ANKRD11: variants seen among roughly 807,000 people sequenced by gnomAD.
ANKRD11 encodes ankyrin repeat domain-containing protein 11.
ANKRD11 carries 17 observed loss-of-function variants against 195.7 expected under a neutral mutation model. That is an observed-to-expected ratio of 0.09 (90% confidence interval 0.06 to 0.13). The LOEUF is 0.13. Ranked by LOEUF, ANKRD11 falls within the 10% of genes least tolerant of loss-of-function variation. The pLI is 1.00. For missense variants in ANKRD11, 3,735 were observed against 3,566.1 expected (o/e 1.05, Z -1.21); for synonymous variants, 1,953 against 1,528.1 (o/e 1.28, Z -6.49).
intron 2 of ANKRD11, among the ~76,000 whole-genome samples, chr16:89,414,899 A>G (rs1222825000): frequency 6.6e-6 from 1 of 152,230 alleles, no homozygotes; most frequent in Non-Finnish European, 1.5e-5. Context: ...GAAACACGGG[A>G]ATGACACAAA....
chr16:89,329,920 G>T (rs1347637362), intron 2 of ANKRD11, among the ~76,000 whole-genome samples: 7 of 151,958 alleles, frequency 4.6e-5, no homozygotes, highest in Non-Finnish European at 1.0e-4. Context: ...GCACTGGGAG[G>T]CAGAGGCTGC....
chr16:89,424,778 AG>A (rs2152251631), intron 1 of ANKRD11, among the ~76,000 whole-genome samples: 1 of 152,266 alleles, frequency 6.6e-6, no homozygotes, highest in Admixed American at 6.5e-5. Context: ...AAAAGGGCAA[AG>A]GGCCGATCCT....
intron 1 of ANKRD11, among the ~76,000 whole-genome samples, chr16:89,484,136 A>G (rs187615803): frequency 2.0e-5 from 3 of 152,358 alleles, no homozygotes; most frequent in East Asian, 1.9e-4. Context: ...TGCTCTGCAC[A>G]TCCTTTAATC....
In ANKRD11 at chr16:89,280,468, T is replaced by C. The variant is rs2034111501; in HGVS notation, c.6074A>G (p.Tyr2025Cys). ...CCCCGGCTCAGCGACGGGCAGAGCG[T>C]ACGGGGCAGGAGAGGCGGGAGGGGC... The part of the protein sequence containing the change: ...YPAPPASPAP[Y>C]ALPVAEPGLE... Residue 2025 changes from tyrosine to cysteine, a missense_variant, in exon 9 of 13, where the codon TAC becomes TGC. By Grantham distance (194) the Tyr-to-Cys change is radical. Coordinates refer to ENST00000301030, the MANE Select transcript of ANKRD11 (RefSeq NM_013275.6). 6.2e-7 allele frequency: 1 copy of C among 1,602,298 alleles called. No homozygotes were observed. The highest frequency in any genetic ancestry group is 8.5e-7 in the Non-Finnish European group (1 of 1,174,190).
At chr16:89,374,608 A>G (rs146304270) in intron 2 of ANKRD11, among the ~76,000 whole-genome samples, 3 of 152,356 alleles carry the variant, frequency 2.0e-5, no homozygotes, top group African/African-American at 7.2e-5. Context: ...CAACCTCAGG[A>G]GAGCTGTGGG....
At chr16:89,305,977 G>A (rs1597556708) in intron 3 of ANKRD11, among the ~76,000 whole-genome samples, 1 of 924 alleles carries the variant, frequency 1.1e-3, no homozygotes, top group African/African-American at 7.1e-3. Context: ...CTCCCACTCC[G>A]CAGACACGCG....
At chr16:89,469,472 C>A (rs2056995870) in intron 1 of ANKRD11, among the ~76,000 whole-genome samples, 1 of 152,120 alleles carries the variant, frequency 6.6e-6, no homozygotes, top group Non-Finnish European at 1.5e-5. Context: ...ATCCACCCAC[C>A]TTGGCCTCCC....
At chr16:89,373,827 G>A (rs1010164349) in intron 2 of ANKRD11, among the ~76,000 whole-genome samples, 1 of 152,174 alleles carries the variant, frequency 6.6e-6, no homozygotes, top group African/African-American at 2.4e-5. Flanking sequence ...TTACAAGATT[G>A]GTAGAACCTT....
At chr16:89,424,433 C>T (rs1437117613) in intron 1 of ANKRD11, among the ~76,000 whole-genome samples, 3 of 123,952 alleles carry the variant, frequency 2.4e-5, no homozygotes, top group African/African-American at 9.4e-5. Flanking sequence ...AAGAGCAAAA[C>T]TCTGTCTCAA....
intron 2 of ANKRD11, among the ~76,000 whole-genome samples, chr16:89,375,948 G>T (rs893427124): frequency 6.6e-6 from 1 of 152,120 alleles, no homozygotes; most frequent in Non-Finnish European, 1.5e-5. Flanking sequence ...CTAAACTTGC[G>T]TGACACGCCG....
chr16:89,369,617 G>A (rs745585606), intron 2 of ANKRD11, among the ~76,000 whole-genome samples: 1 of 152,220 alleles, frequency 6.6e-6, no homozygotes, highest in Non-Finnish European at 1.5e-5. Flanking sequence ...GAAAGGGAGG[G>A]GGTGCGGTCA....
At chr16:89,345,036 C>T (rs2038872436) in intron 2 of ANKRD11, among the ~76,000 whole-genome samples, 2 of 152,170 alleles carry the variant, frequency 1.3e-5, no homozygotes, top group South Asian at 2.1e-4. Flanking sequence ...CAAGGCCAAG[C>T]GGTGCTCCAG....
intron 5 of ANKRD11, 27 bp from the exon 6 acceptor site, chr16:89,290,855 G>A (rs767195205): frequency 6.2e-7 from 1 of 1,612,328 alleles, no homozygotes; most frequent in Non-Finnish European, 8.5e-7. Flanking sequence ...GGACAGATGG[G>A]CATTACTGTG....
At chr16:89,479,656 T>G (rs1346599780) in intron 1 of ANKRD11, among the ~76,000 whole-genome samples, 1 of 123,794 alleles carries the variant, frequency 8.1e-6, no homozygotes, top group African/African-American at 3.1e-5. Context: ...AAATTAAATT[T>G]TAAAAAGGCC....
intron 1 of ANKRD11, among the ~76,000 whole-genome samples, chr16:89,431,522 C>CA (rs565920138): frequency 8.5e-4 from 130 of 152,302 alleles, no homozygotes; most frequent in Non-Finnish European, 1.4e-3. Flanking sequence ...ACTCATCTAG[C>CA]ATGGTCTCGC....
At chr16:89,330,545 T>C (rs1308782095) in intron 2 of ANKRD11, among the ~76,000 whole-genome samples, 1 of 150,390 alleles carries the variant, frequency 6.6e-6, no homozygotes, top group Non-Finnish European at 1.5e-5. Flanking sequence ...AGTGCAGTCA[T>C]TGATGGGGTG....
chr16:89,440,426 C>A (rs1305503028), intron 1 of ANKRD11, among the ~76,000 whole-genome samples: 1 of 152,032 alleles, frequency 6.6e-6, no homozygotes, highest in Non-Finnish European at 1.5e-5. Context: ...GAGCAACACA[C>A]TGAAACCTCA....
intron 1 of ANKRD11, among the ~76,000 whole-genome samples, chr16:89,474,888 T>G (rs1219130740): frequency 6.6e-6 from 1 of 152,250 alleles, no homozygotes; most frequent in Admixed American, 6.5e-5. Context: ...GTAAGTTAAA[T>G]CTTCAAACGC....
At chr16:89,435,257 A>C (rs1056923830) in intron 1 of ANKRD11, among the ~76,000 whole-genome samples, 3 of 152,194 alleles carry the variant, frequency 2.0e-5, no homozygotes, top group Non-Finnish European at 2.9e-5. Context: ...AAAATGGACC[A>C]ATCAGCACTC....
Sources: allele counts gnomAD v4.1 joint callset (sites outside exome capture counted in the v4.1 genomes callset), GRCh38; gene constraint gnomAD v4.1.1; transcripts MANE v1.5; gene names NCBI Gene and HGNC (gene_info 2026-07-23, HGNC 2026-07-21).